Variants in SYNPR observed in about 807,000 individuals in gnomAD.
SYNPR encodes synaptoporin.
SYNPR carries 23 observed loss-of-function variants against 32.9 expected under a neutral mutation model. The observed-to-expected ratio is 0.70, with a 90% confidence interval of 0.50 to 0.99. The LOEUF (loss-of-function observed/expected upper bound fraction) is 0.99, where lower values mean the gene tolerates loss of function less well. Ranked by LOEUF, SYNPR falls within the 50% of genes least tolerant of loss-of-function variation. The pLI, the probability that SYNPR is intolerant of heterozygous loss-of-function variation, is 0.00. For synonymous variants in SYNPR, 146 were observed against 135.9 expected (o/e 1.07, Z -0.52); for missense variants, 318 against 349.3 (o/e 0.91, Z 0.71).
chr3:63,437,457 G>A (rs949523261), intron 2 of SYNPR, among the ~76,000 whole-genome samples: 17 of 152,000 alleles, frequency 1.1e-4, no homozygotes, highest in Admixed American at 1.3e-4. Context: ...GGAAATAGCT[G>A]GCACACTCAC....
At chr3:63,254,863 A>G (rs1575577130) in intron 2 of SYNPR, among the ~76,000 whole-genome samples, 2 of 152,322 alleles carry the variant, frequency 1.3e-5, no homozygotes, top group Middle Eastern at 6.8e-3. Flanking sequence ...ATCCAATATA[A>G]ATGGTCTTCT....
Position 63,375,603 on chromosome 3 carries a change from G to T in SYNPR, c.84+96861G>T, listed in dbSNP as rs566290429. Among the ~76,000 whole-genome samples the T allele has an allele frequency of 2.1e-3, 316 of 152,144 alleles. 1 individual carries two copies. Among genetic ancestry groups the T allele is most frequent in the African/African-American group, 7.3e-3 (304 of 41,490 alleles). On this transcript the variant is annotated intron_variant, in intron 2 of 5. Transcript: ENST00000478300. The stretch of plus-strand genomic sequence containing the variant: ...GGGGCTGGGGGAGGGATAGCATTAG[G>T]AGAAATACCTAATATAAATGACGAG...
chr3:63,505,847 T>C (rs927011036), intron 3 of SYNPR, among the ~76,000 whole-genome samples: 2 of 152,170 alleles, frequency 1.3e-5, no homozygotes, highest in Non-Finnish European at 2.9e-5. Context: ...TTCTAACAGC[T>C]AGATGAGTTC....
intron 2 of SYNPR, among the ~76,000 whole-genome samples, chr3:63,317,987 T>C (rs1310103842): frequency 2.0e-5 from 3 of 151,990 alleles, no homozygotes; most frequent in Non-Finnish European, 4.4e-5. Context: ...TGTCTGAAAA[T>C]GACTGTATCT....
chr3:63,394,267 A>G (rs1402216082), intron 2 of SYNPR, among the ~76,000 whole-genome samples: 2 of 152,166 alleles, frequency 1.3e-5, no homozygotes, highest in Admixed American at 6.5e-5. Flanking sequence ...CTTGACTATA[A>G]TACATTTTTT....
At chr3:63,606,417 CTT>C (rs61299069) in intron 4 of SYNPR, among the ~76,000 whole-genome samples, 16 of 68,292 alleles carry the variant, frequency 2.3e-4, no homozygotes, top group African/African-American at 4.3e-4. Context: ...CAAATCCTTT[CTT>C]TTTTTTTTTT....
intron 2 of SYNPR, among the ~76,000 whole-genome samples, chr3:63,465,205 A>C (rs1020811473): frequency 6.6e-6 from 1 of 152,150 alleles, no homozygotes; most frequent in Non-Finnish European, 1.5e-5. Flanking sequence ...TCATTTCATT[A>C]AAATATAATG....
intron 2 of SYNPR, among the ~76,000 whole-genome samples, chr3:63,364,085 T>C (rs1260792318): frequency 2.0e-5 from 3 of 152,190 alleles, no homozygotes; most frequent in Non-Finnish European, 4.4e-5. Flanking sequence ...ATCTGCAAAA[T>C]CTTTCCTACA....
chr3:63,427,226 C>CTT (rs761088258), intron 2 of SYNPR, among the ~76,000 whole-genome samples: 60 of 140,982 alleles, frequency 4.3e-4, no homozygotes, highest in African/African-American at 1.2e-3. Flanking sequence ...TTATTTACTG[C>CTT]TTTTTTTTTT....
chr3:63,591,379 A>G lies in SYNPR; in HGVS notation c.409-17746A>G, dbSNP rs2106876169. On this transcript the variant is annotated intron_variant, in intron 4 of 5. Coordinates refer to ENST00000478300, the MANE Select transcript of SYNPR (RefSeq NM_001130003.2). ...GGTGGGACTGTAAACTAGTTCAACC[A>G]TTGTGGAAGTCAGTGTGGCGATTCC... is the stretch of plus-strand genomic sequence containing the variant. Among the ~76,000 whole-genome samples the G allele has an allele frequency of 1.5e-5, 2 of 129,318 alleles. 1 individual carries two copies. Among genetic ancestry groups the G allele is most frequent in the African/African-American group, 6.1e-5 (2 of 32,838 alleles). 84.8% of individuals were successfully genotyped at this position (129,318 alleles called of 152,430 possible).
chr3:63,219,335 G>A, the SYNPR span, among the ~76,000 whole-genome samples: 4 of 152,322 alleles, frequency 2.6e-5, no homozygotes, highest in Non-Finnish European at 5.9e-5. Context: ...GTACAGAGGA[G>A]GCGGAGGACA....
chr3:63,548,389 GA>G (rs556387750), intron 3 of SYNPR, among the ~76,000 whole-genome samples: 7 of 151,810 alleles, frequency 4.6e-5, no homozygotes, highest in African/African-American at 7.3e-5. Flanking sequence ...TACTTGGGGG[GA>G]AAAATGAGAT....
chr3:63,422,513 T>A (rs1575635817), intron 2 of SYNPR, among the ~76,000 whole-genome samples: 1 of 152,250 alleles, frequency 6.6e-6, no homozygotes, highest in South Asian at 2.1e-4. Flanking sequence ...GCTGGTTTTA[T>A]GGGTATAAGC....
At chr3:63,406,203 T>C (rs1003167288) in intron 2 of SYNPR, among the ~76,000 whole-genome samples, 12 of 149,728 alleles carry the variant, frequency 8.0e-5, no homozygotes, top group Non-Finnish European at 1.5e-4. Context: ...AGAATGCAGC[T>C]TTAAAAAAAA....
chr3:63,330,180 C>T (rs919385701), intron 2 of SYNPR: 2 of 152,106 alleles, frequency 1.3e-5, no homozygotes, highest in African/African-American at 4.8e-5. Context: ...GAAAAGTAGT[C>T]CTTGATCCAA....
At chr3:63,317,380 G>C (rs2087054611) in intron 2 of SYNPR, among the ~76,000 whole-genome samples, 1 of 151,720 alleles carries the variant, frequency 6.6e-6, no homozygotes. Context: ...CATTTATTGG[G>C]TCTATTGGTA....
At chr3:63,497,693 C>G (rs1701398950) in intron 3 of SYNPR, among the ~76,000 whole-genome samples, 1 of 151,928 alleles carries the variant, frequency 6.6e-6, no homozygotes. Flanking sequence ...TCTTTAAAGA[C>G]TGATAAAGCT....
chr3:63,304,324 G>A (rs1489896661), intron 2 of SYNPR, among the ~76,000 whole-genome samples: 1 of 150,386 alleles, frequency 6.6e-6, no homozygotes, highest in Non-Finnish European at 1.5e-5. Context: ...TGAGAGCTAA[G>A]TAAGCAAGAA....
At chr3:63,283,839 A>C (rs2086655059) in intron 2 of SYNPR, among the ~76,000 whole-genome samples, 1 of 105,456 alleles carries the variant, frequency 9.5e-6, no homozygotes, top group African/African-American at 4.3e-5. Context: ...TTTTTTTGAG[A>C]CGGAGTCTCG....
Sources: gnomAD v4.1 joint callset for allele counts (sites outside exome capture counted in the v4.1 genomes callset) on GRCh38, gnomAD v4.1.1 for gene constraint, MANE v1.5 for transcripts, NCBI Gene and HGNC (gene_info 2026-07-23, HGNC 2026-07-21) for gene names.